Variants in NRXN3 observed in about 807,000 individuals in gnomAD.
NRXN3 encodes neurexin 3, also known as neurexin III.
A neutral mutation model predicts 137.6 loss-of-function variants in NRXN3; 32 were observed. The ratio of observed to expected loss-of-function variants is 0.23; its 90% confidence interval spans 0.18 to 0.31. The LOEUF (loss-of-function observed/expected upper bound fraction) is 0.31. NRXN3 is among the 10% of genes least tolerant of loss of function. NRXN3 has a pLI of 1.00. For missense variants in NRXN3, 1,574 were observed against 2,062.5 expected (o/e 0.76, Z 4.59); for synonymous variants, 798 against 784.5 (o/e 1.02, Z -0.29).
At chr14:79,279,238 G>A in intron 15 of NRXN3, 2 of 524,758 alleles carry the variant, frequency 3.8e-6, no homozygotes, top group South Asian at 8.2e-5. Flanking sequence ...GGAAGGGCCG[G>A]GATTCCGGGT....
At chr14:79,043,561 TCA>T (rs942420803) in intron 15 of NRXN3, among the ~76,000 whole-genome samples, 1 of 152,130 alleles carries the variant, frequency 6.6e-6, no homozygotes, top group African/African-American at 2.4e-5. Context: ...GACTATTGAA[TCA>T]CAGAGATACA....
intron 15 of NRXN3, among the ~76,000 whole-genome samples, chr14:79,261,137 T>C (rs2077514655): frequency 6.6e-6 from 1 of 152,040 alleles, no homozygotes; most frequent in Non-Finnish European, 1.5e-5. Context: ...GTGAGATATA[T>C]GTGAGGGGCA....
At chr14:79,277,729 G>A (rs958011058) in intron 15 of NRXN3, among the ~76,000 whole-genome samples, 2 of 152,220 alleles carry the variant, frequency 1.3e-5, no homozygotes, top group Non-Finnish European at 2.9e-5. Context: ...AGAGCATGCT[G>A]CTGGTTTAAG....
chr14:78,244,791 G>T (rs1164953099), intron 2 of NRXN3, among the ~76,000 whole-genome samples: 1 of 152,210 alleles, frequency 6.6e-6, no homozygotes, highest in Non-Finnish European at 1.5e-5. Flanking sequence ...GAGATTGACT[G>T]CAGTGTTGTT....
chr14:78,570,608 G>A (rs947630636), intron 4 of NRXN3, among the ~76,000 whole-genome samples: 8 of 152,146 alleles, frequency 5.3e-5, no homozygotes, highest in Admixed American at 1.3e-4. Context: ...CAGCCCCCAG[G>A]AAGTATTCTA....
At chr14:78,478,486 G>C (rs961736519) in intron 4 of NRXN3, among the ~76,000 whole-genome samples, 6 of 152,050 alleles carry the variant, frequency 3.9e-5, no homozygotes, top group African/African-American at 1.5e-4. Context: ...ACAGATTAGA[G>C]GATGGAAAAG....
At chr14:78,831,511 G>GGTGACAGA (rs1200375113) in intron 10 of NRXN3, among the ~76,000 whole-genome samples, 1 of 133,108 alleles carries the variant, frequency 7.5e-6, no homozygotes, top group East Asian at 2.3e-4. Flanking sequence ...CTCCAGCCTG[G>GGTGACAGA]GTGACAGAGG....
At chr14:79,358,591 GA>G (rs1312912075) in intron 15 of NRXN3, among the ~76,000 whole-genome samples, 1 of 92,060 alleles carries the variant, frequency 1.1e-5, no homozygotes, top group Non-Finnish European at 2.3e-5. Context: ...AAGAGAGAAA[GA>G]AAGAAAGAAA....
chr14:78,490,777 G>A (rs2095651835), intron 4 of NRXN3, among the ~76,000 whole-genome samples: 1 of 152,022 alleles, frequency 6.6e-6, no homozygotes, highest in Non-Finnish European at 1.5e-5. Flanking sequence ...CTATAAGGTG[G>A]GTACTGTTAT....
chr14:79,474,391 G>C (rs1213843842), intron 16 of NRXN3, among the ~76,000 whole-genome samples: 2 of 152,098 alleles, frequency 1.3e-5, no homozygotes, highest in African/African-American at 4.8e-5. Context: ...GAAAGTTTTA[G>C]TTTAATTGTT....
intron 15 of NRXN3, among the ~76,000 whole-genome samples, chr14:79,115,338 A>G (rs2035285): frequency 0.028 from 4,260 of 151,378 alleles, 210 homozygotes; most frequent in African/African-American, 0.098. Context: ...AAAAAAAAAA[A>G]AAAGAAAAAA....
chr14:78,955,114 CGT>C (rs2099394490), intron 10 of NRXN3, among the ~76,000 whole-genome samples: 1 of 152,148 alleles, frequency 6.6e-6, no homozygotes, highest in Non-Finnish European at 1.5e-5. Flanking sequence ...TTAAATAGCC[CGT>C]ACTTGTAGCA....
intron 15 of NRXN3, among the ~76,000 whole-genome samples, chr14:79,093,568 G>A (rs149970278): frequency 2.0e-3 from 310 of 152,288 alleles, no homozygotes; most frequent in African/African-American, 7.2e-3. Flanking sequence ...AAAGAAGTGT[G>A]CATGTTTTCA....
At chr14:79,395,082 A>G (rs1270180744) in intron 15 of NRXN3, among the ~76,000 whole-genome samples, 1 of 152,184 alleles carries the variant, frequency 6.6e-6, no homozygotes, top group Non-Finnish European at 1.5e-5. Flanking sequence ...TCACAAAGGG[A>G]GCCAGTTAAC....
intron 6 of NRXN3, among the ~76,000 whole-genome samples, chr14:78,700,115 A>C (rs2098265023): frequency 6.6e-6 from 1 of 152,188 alleles, no homozygotes; most frequent in Non-Finnish European, 1.5e-5. Flanking sequence ...ATTGTCCTTC[A>C]ACTTTCTCTG....
intron 4 of NRXN3, among the ~76,000 whole-genome samples, chr14:78,480,839 G>A (rs919469197): frequency 6.6e-6 from 1 of 152,160 alleles, no homozygotes; most frequent in Admixed American, 6.6e-5. Flanking sequence ...ATTTAGCTAA[G>A]TATTCTTCCC....
intron 15 of NRXN3, among the ~76,000 whole-genome samples, chr14:79,334,602 T>A (rs2092095268): frequency 2.6e-5 from 4 of 152,194 alleles, no homozygotes. Context: ...TTGAATTTAA[T>A]ATAATTTAAT....
intron 15 of NRXN3, among the ~76,000 whole-genome samples, chr14:79,360,601 A>G (rs1300450914): frequency 2.6e-5 from 4 of 152,230 alleles, no homozygotes; most frequent in South Asian, 2.1e-4. Flanking sequence ...GTGCCTTAAG[A>G]CGTGGCCGAG....
chr14:79,859,524 TC>T (rs2099409941), intron 20 of NRXN3, among the ~76,000 whole-genome samples: 2 of 152,134 alleles, frequency 1.3e-5, no homozygotes, highest in Admixed American at 6.5e-5. Flanking sequence ...TGTGAATCAA[TC>T]TTCATAGGAA....
Sources: allele counts gnomAD v4.1 joint callset (sites outside exome capture counted in the v4.1 genomes callset), GRCh38; gene constraint gnomAD v4.1.1; transcripts MANE v1.5; gene names NCBI Gene and HGNC (gene_info 2026-07-23, HGNC 2026-07-21).